Variants in TRIM24 observed in about 807,000 individuals in gnomAD.
TRIM24 encodes the protein transcription intermediary factor 1-alpha.
Under a neutral mutation model 123.9 loss-of-function variants are expected in TRIM24, and 29 were observed. That is an observed-to-expected ratio of 0.23 (90% CI 0.17 to 0.32). The LOEUF is 0.32. TRIM24 is among the 10% of genes least tolerant of loss of function. The pLI, the probability that TRIM24 is intolerant of heterozygous loss-of-function variation, is 1.00. For synonymous variants in TRIM24, 456 were observed against 461.1 expected (o/e 0.99, Z 0.14); for missense variants, 932 against 1,295.3 (o/e 0.72, Z 4.31).
chr7:138,503,646 T>G (rs1796089658), intron 1 of TRIM24, among the ~76,000 whole-genome samples: 1 of 151,976 alleles, frequency 6.6e-6, no homozygotes, highest in South Asian at 2.1e-4. Context: ...TTTTTAATAC[T>G]TTAAGTTTTA....
intron 10 of TRIM24, 42 bp from the exon 11 acceptor site, chr7:138,570,788 A>T: frequency 6.3e-7 from 1 of 1,599,210 alleles, no homozygotes; most frequent in Non-Finnish European, 8.5e-7. Context: ...GTATTTTATA[A>T]GCTTGTTGAT....
chr7:138,560,408 C>G (rs1380848102), intron 9 of TRIM24, among the ~76,000 whole-genome samples: 2 of 152,232 alleles, frequency 1.3e-5, no homozygotes, highest in Non-Finnish European at 2.9e-5. Context: ...AAGTCTCGAC[C>G]CATCCTGAAA....
At chr7:138,493,287 A>G (rs1005771400) in intron 1 of TRIM24, among the ~76,000 whole-genome samples, 2 of 152,170 alleles carry the variant, frequency 1.3e-5, no homozygotes, top group Non-Finnish European at 2.9e-5. Context: ...TGAACCAGCT[A>G]TGTGCTATGA....
intron 6 of TRIM24, among the ~76,000 whole-genome samples, chr7:138,535,629 C>T (rs1015452129): frequency 1.3e-5 from 2 of 152,158 alleles, no homozygotes; most frequent in African/African-American, 4.8e-5. Flanking sequence ...ACCGATCTTT[C>T]TCTCTGGCTG....
rs1451343051 is a variant in TRIM24, at chr7:138,586,004, T to G, written c.*1053T>G. On this transcript the variant is annotated 3_prime_UTR_variant, in exon 19 of 19. Coordinates refer to ENST00000343526, the MANE Select transcript of TRIM24 (RefSeq NM_015905.3). ...GCTGGGGGGAATTAATAGTGATTTT[T>G]TTTTTTTCCTGAAGCATCTATCTCA... 6.6e-6 allele frequency: 3 copies of G among 455,168 alleles called. No homozygotes were observed. Among genetic ancestry groups the G allele is most frequent in the East Asian group, 1.1e-4 (2 of 17,520 alleles). The allele number at this position is 455,168 out of a possible 1,614,324, so 28.2% of individuals were successfully genotyped here. A position where few individuals can be genotyped will look rare whatever the true frequency, so the allele number is the denominator to read the frequency against.
In TRIM24 at chr7:138,577,410, A is replaced by G; in HGVS notation, c.2088-10A>G. ...CTTAGATTGCTTTTTCTTCTCTCTC[A>G]TACTTACAGCTCTGGCTCTTCCAGC... On this transcript the variant is annotated splice_polypyrimidine_tract_variant and intron_variant, in intron 13 of 18. Coordinates refer to ENST00000343526, the MANE Select transcript of TRIM24 (RefSeq NM_015905.3). The G allele has an allele frequency of 2.6e-6, 4 of 1,536,950 alleles. No homozygotes were observed. In the South Asian group the frequency reaches 3.8e-5, roughly 15 times the overall value.
chr7:138,548,526 CTG>C (rs1057372927), intron 7 of TRIM24, among the ~76,000 whole-genome samples: 1 of 152,094 alleles, frequency 6.6e-6, no homozygotes, highest in African/African-American at 2.4e-5. Context: ...TGATGAATGA[CTG>C]TGAAGGCGTA....
intron 6 of TRIM24, among the ~76,000 whole-genome samples, chr7:138,536,690 C>T (rs529485681): frequency 6.6e-5 from 10 of 152,314 alleles, no homozygotes; most frequent in South Asian, 2.1e-4. Context: ...GTAGTCTGTC[C>T]GTTCTGAGAT....
chr7:138,474,315 CG>C (rs1795350408), intron 1 of TRIM24, among the ~76,000 whole-genome samples: 1 of 151,570 alleles, frequency 6.6e-6, no homozygotes, highest in Admixed American at 6.6e-5. Flanking sequence ...TTAGTAGAGA[CG>C]GGGTTTCACC....
Position 138,573,965 on chromosome 7 carries a change from C to CTAA in TRIM24, c.2014+326_2014+328dup, listed in dbSNP as rs535453911. Among the ~76,000 whole-genome samples, 21 of 152,214 alleles carry CTAA rather than the reference C, an allele frequency of 1.4e-4. No homozygotes were observed. In the South Asian group the frequency reaches 4.0e-3, roughly 29 times the overall value. On this transcript the variant is annotated intron_variant, in intron 12 of 18. Transcript: ENST00000343526. ...AAGTATGCTGCTCTACCAAACGTGG[C>CTAA]TAATATTTTTTGGTAGAGACAGTCT...
intron 1 of TRIM24, among the ~76,000 whole-genome samples, chr7:138,502,861 G>A (rs764284429): frequency 6.6e-6 from 1 of 152,070 alleles, no homozygotes; most frequent in Admixed American, 6.6e-5. Flanking sequence ...CTGTAACAAA[G>A]GTGAATATAT....
chr7:138,582,596 G>A (rs1169928380), intron 17 of TRIM24, among the ~76,000 whole-genome samples: 1 of 151,202 alleles, frequency 6.6e-6, no homozygotes, highest in South Asian at 2.1e-4. Flanking sequence ...TTAGAGTGCT[G>A]GAAAGGGCCT....
intron 1 of TRIM24, among the ~76,000 whole-genome samples, chr7:138,469,849 G>A (rs905209482): frequency 1.3e-5 from 2 of 152,168 alleles, no homozygotes; most frequent in Non-Finnish European, 2.9e-5. Context: ...TATGCTGTAT[G>A]GAGTATCCTG....
intron 2 of TRIM24, among the ~76,000 whole-genome samples, chr7:138,505,510 GT>G (rs1251960380): frequency 1.2e-4 from 12 of 102,536 alleles, no homozygotes; most frequent in South Asian, 5.9e-4. Context: ...GGGGGTGGTG[GT>G]TGTTGTTGTT....
intron 5 of TRIM24, among the ~76,000 whole-genome samples, chr7:138,526,322 T>C (rs78237969): frequency 0.018 from 2,772 of 152,336 alleles, 69 homozygotes; most frequent in African/African-American, 0.061. Context: ...ACACATAGTT[T>C]TACCATTTCT....
At chr7:138,498,260 T>C (rs978675661) in intron 1 of TRIM24, among the ~76,000 whole-genome samples, 3 of 152,202 alleles carry the variant, frequency 2.0e-5, no homozygotes, top group Non-Finnish European at 4.4e-5. Flanking sequence ...AGTCTCGCTC[T>C]GTCACCCAGG....
chr7:138,508,698 C>CGCGCGCGCGT (rs1329971426), intron 2 of TRIM24, among the ~76,000 whole-genome samples: 4 of 30,440 alleles, frequency 1.3e-4, no homozygotes, highest in South Asian at 2.4e-3. Context: ...TGTGTGCGCG[C>CGCGCGCGCGT]GCGTGTGTGC....
At chr7:138,510,394 T>A (rs77676607) in intron 2 of TRIM24, among the ~76,000 whole-genome samples, 3,241 of 152,152 alleles carry the variant, frequency 0.021, 92 homozygotes, top group African/African-American at 0.071. Flanking sequence ...AAATCATGTG[T>A]GTGTGTGGTT....
chr7:138,522,283 C>T (rs1023345213), intron 4 of TRIM24, among the ~76,000 whole-genome samples: 1 of 151,524 alleles, frequency 6.6e-6, no homozygotes, highest in African/African-American at 2.4e-5. Flanking sequence ...TTGCAGTGAG[C>T]TGAGATGGCA....
Sources: allele counts gnomAD v4.1 joint callset (sites outside exome capture counted in the v4.1 genomes callset), GRCh38; gene constraint gnomAD v4.1.1; transcripts MANE v1.5; gene names NCBI Gene and HGNC (gene_info 2026-07-23, HGNC 2026-07-21).